Variants in PKMYT1 observed in about 807,000 individuals in gnomAD.
PKMYT1 encodes membrane-associated tyrosine- and threonine-specific cdc2-inhibitory kinase.
In PKMYT1, 35 loss-of-function variants were observed where a neutral mutation model predicts 49.7. That is an observed-to-expected ratio of 0.70 (90% CI 0.54 to 0.93). PKMYT1 has a LOEUF of 0.93. Among genes scored for constraint, PKMYT1 ranks in the 40% least tolerant of loss-of-function variants. PKMYT1 has a pLI of 0.00. For missense variants in PKMYT1, 677 were observed against 673.1 expected (o/e 1.01, Z -0.06); for synonymous variants, 331 against 287.6 (o/e 1.15, Z -1.53).
At chr16:2,974,941 T>C in intron 4 of PKMYT1, 1 of 566,058 alleles carries the variant, frequency 1.8e-6, no homozygotes. Context: ...CTGGCAGGTA[T>C]TACTATCCTG....
Position 2,976,811 on chromosome 16 carries a change from C to T in PKMYT1, c.231G>A (p.Leu77=). The T allele has an allele frequency of 6.4e-7, 1 of 1,572,518 alleles. No individual in the cohort carries two copies. Among genetic ancestry groups the T allele is most frequent in the South Asian group, 1.2e-5 (1 of 86,648 alleles). ...FPPRTPGWHQ[L]QPRRVSFRGE... ...CCCGGAATGACACCCGCCGGGGCTG[C>T]AGCTGGTGCCAGCCTGGGGTCCGAG... The change falls in exon 3 of 9, where the codon CTG becomes CTA. Residue 77 remains leucine (L), a synonymous_variant. Coordinates refer to ENST00000262300, the MANE Select transcript of PKMYT1 (RefSeq NM_004203.5).
At chr16:2,977,304 A>G in intron 2 of PKMYT1, 3 of 1,273,768 alleles carry the variant, frequency 2.4e-6, no homozygotes, top group Non-Finnish European at 3.0e-6. Flanking sequence ...CAGTCGGGTT[A>G]AGAGCAAGGC....
chr16:2,979,093 C>T (rs1046816356), intron 2 of PKMYT1, among the ~76,000 whole-genome samples: 5 of 151,814 alleles, frequency 3.3e-5, no homozygotes, highest in African/African-American at 9.7e-5. Flanking sequence ...CCCAGCACTT[C>T]GGGAGGCAAG....
Position 2,973,037 on chromosome 16 carries a change from G to A in PKMYT1, c.1416C>T (p.Asn472=), listed in dbSNP as rs757282275. The part of the protein sequence containing the change: ...PRDALDLSDI[N]SEPPRGSFPS... Reference sequence around the variant, plus strand: ...GGAAGGAGCCCCGAGGAGGCTCTGAGTTGATGTCACTTAGGTCCAGGGCAT... The same window carrying A: ...GGAAGGAGCCCCGAGGAGGCTCTGAATTGATGTCACTTAGGTCCAGGGCAT... The change falls in exon 9 of 9, where the codon AAC becomes AAT. Residue 472 remains asparagine (N), a synonymous_variant. Transcript: ENST00000262300. The A allele has an allele frequency of 2.2e-5, 35 of 1,608,722 alleles. 3 individuals carry two copies. The South Asian group carries it at 3.4e-4, about 15-fold the overall frequency.
rs1371856623 is a variant in PKMYT1, at chr16:2,974,156, G to T, written c.1154C>A (p.Ala385Asp). 1 of 1,597,722 alleles carries T rather than the reference G, an allele frequency of 6.3e-7. No individual in the cohort carries two copies. Residue 385 changes from alanine (A) to aspartate (D), a missense_variant and splice_region_variant, in exon 7 of 9, where the codon GCC (alanine) becomes GAC (aspartate). Transcript: ENST00000262300. Reference protein sequence around the residue: ...ALSRGWALWQALLALLCWLWH... With the variant: ...ALSRGWALWQDLLALLCWLWH... ...GAGCCAGCAGAGCAGGGCAAGCAGG[G>T]CCTGTGGGGGAGAGGAGCTCAGGAT...
rs2072169747 is a variant in PKMYT1, at chr16:2,975,649, C to T, written c.542G>A (p.Gly181Asp). The T allele has an allele frequency of 1.9e-6, 3 of 1,611,006 alleles. No individual in the cohort carries two copies. Among genetic ancestry groups the T allele is most frequent in the Non-Finnish European group, 2.5e-6 (3 of 1,179,706 alleles). The stretch of plus-strand genomic sequence containing the variant: ...CAGCTCCGTCTGCAGGTACAGGATG[C>T]CGCCCTCCTCCCAGGCCTGCTCCAG... ...VRLEQAWEEG[G>D]ILYLQTELCG... The change falls in exon 4 of 9, where the codon GGC becomes GAC. Residue 181 changes from glycine (G) to aspartate (D), a missense_variant. Transcript: ENST00000262300.
rs768142382 is a variant in PKMYT1 at position 2,976,821 on chromosome 16, C to T, written c.221G>A (p.Trp74Ter). The change falls in exon 3 of 9, where the codon TGG becomes TAG. Residue 74 changes from tryptophan to a stop codon, truncating the protein, a stop_gained. Transcript: ENST00000262300. LOFTEE classifies it high-confidence loss of function. ...CACCCGCCGGGGCTGCAGCTGGTGC[C>T]AGCCTGGGGTCCGAGGAGGGAAGAG... is the stretch of plus-strand genomic sequence containing the variant. ...SRLFPPRTPG[W>*]HQLQPRRVSF... 2 of 1,569,722 alleles carry T rather than the reference C, an allele frequency of 1.3e-6. No individual in the cohort carries two copies. The highest frequency in any genetic ancestry group is 2.7e-5 in the African/African-American group (2 of 73,826).
Position 2,974,030 on chromosome 16 carries a change from A to G in PKMYT1, c.1280T>C (p.Leu427Pro). The G allele has an allele frequency of 6.2e-7, 1 of 1,612,624 alleles. No homozygotes were observed. The change falls in exon 7 of 9, where the codon CTC becomes CCC. Residue 427 changes from leucine (L) to proline (P), a missense_variant. By Grantham distance (98) the Leu-to-Pro change is moderately conservative. Transcript: ENST00000262300. Reference sequence around the variant, plus strand: ...GCTGTCGTCATCCCAGTTGCTGGAGAGGCTGCTGTCCAGGAGCAAACTGCA... The same window carrying G: ...GCTGTCGTCATCCCAGTTGCTGGAGGGGCTGCTGTCCAGGAGCAAACTGCA... ...PPCSLLLDSS[L>P]SSNWDDDSLG... is the part of the protein sequence containing the mutation.
intron 4 of PKMYT1, 143 bp from the exon 5 acceptor site, chr16:2,974,799 C>A: frequency 1.6e-6 from 1 of 615,212 alleles, no homozygotes; most frequent in Non-Finnish European, 2.9e-6. Context: ...GGAAGGGACA[C>A]CCCAACAGGC....
At chr16:2,978,384 G>C (rs762413653) in intron 2 of PKMYT1, among the ~76,000 whole-genome samples, 4 of 152,172 alleles carry the variant, frequency 2.6e-5, no homozygotes, top group Non-Finnish European at 5.9e-5. Flanking sequence ...GAGCTAGCTA[G>C]GAAGAGCCTG....
Position 2,976,970 on chromosome 16 carries a change from G to A in PKMYT1, c.72C>T (p.Thr24=). 1 of 1,559,552 alleles carries A rather than the reference G, an allele frequency of 6.4e-7. No homozygotes were observed. Among genetic ancestry groups the A allele is most frequent in the Non-Finnish European group, 8.7e-7 (1 of 1,151,446 alleles). ...GGAAGTAGGCTGGGACTGGGATGGG[G>A]GTGCCACTCAGAGGTGGCGGGGTGC... The part of the protein sequence containing the change: ...TEGTPPPLSG[T]PIPVPAYFRH... Residue 24 remains threonine, a synonymous_variant, in exon 3 of 9, where the codon ACC becomes ACT. Transcript: ENST00000262300.
chr16:2,976,328 G>A (rs1275374684), intron 3 of PKMYT1, among the ~76,000 whole-genome samples: 1 of 152,070 alleles, frequency 6.6e-6, no homozygotes, highest in Non-Finnish European at 1.5e-5. Flanking sequence ...GGGCTGGCCA[G>A]GCACTGCACT....
chr16:2,978,041 G>A (rs555635419), intron 2 of PKMYT1, among the ~76,000 whole-genome samples: 2 of 152,312 alleles, frequency 1.3e-5, no homozygotes, highest in African/African-American at 4.8e-5. Flanking sequence ...CAACCAAGAA[G>A]GCCAGAGGCT....
intron 2 of PKMYT1, 97 bp downstream of exon 2, chr16:2,979,551 C>A: frequency 1.0e-6 from 1 of 994,586 alleles, no homozygotes; most frequent in South Asian, 1.3e-5. Context: ...GGTCACTGGT[C>A]ACAAGCACAG....
chr16:2,977,108 G>A (rs752155291), intron 2 of PKMYT1, 77 bp from the exon 3 acceptor site: 9 of 1,574,668 alleles, frequency 5.7e-6, no homozygotes, highest in South Asian at 3.4e-5. Context: ...CTCCAAAGAG[G>A]CCACAGAAGA....
intron 2 of PKMYT1, among the ~76,000 whole-genome samples, chr16:2,978,118 C>T (rs1010493921): frequency 1.3e-5 from 2 of 152,196 alleles, no homozygotes; most frequent in Admixed American, 6.5e-5. Flanking sequence ...CGCTGTCCTG[C>T]CCCCAGTTCC....
intron 7 of PKMYT1, 158 bp downstream of exon 7, chr16:2,973,842 C>T: frequency 1.2e-6 from 1 of 821,888 alleles, no homozygotes; most frequent in Non-Finnish European, 1.9e-6. Flanking sequence ...TGCATTAAGC[C>T]TGGCCAGGCC....
At chr16:2,977,640 G>C (rs1015362725) in intron 2 of PKMYT1, 1 of 308,796 alleles carries the variant, frequency 3.2e-6, no homozygotes, top group Non-Finnish European at 4.7e-6. Flanking sequence ...AGCAAACAAA[G>C]GTTTACACAA....
At position 2,977,043 on chromosome 16, in the gene PKMYT1, G is replaced by A; in HGVS notation, c.11-12C>T. 6.3e-7 allele frequency: 1 copy of A among 1,589,578 alleles called. No homozygotes were observed. Reference sequence around the variant, plus strand: ...CAGTGCAGGAGGCCCTGGGGGCAGAGACAGAGGCTGAGTACAGGGCAGCAT... The same window carrying A: ...CAGTGCAGGAGGCCCTGGGGGCAGAAACAGAGGCTGAGTACAGGGCAGCAT... On this transcript the variant is annotated splice_polypyrimidine_tract_variant and intron_variant, in intron 2 of 8. Coordinates refer to ENST00000262300, the MANE Select transcript of PKMYT1 (RefSeq NM_004203.5).
Sources: allele counts gnomAD v4.1 joint callset (sites outside exome capture counted in the v4.1 genomes callset), GRCh38; gene constraint gnomAD v4.1.1; transcripts MANE v1.5; gene names NCBI Gene and HGNC (gene_info 2026-07-23, HGNC 2026-07-21).